DRG1: variants seen among roughly 807,000 people sequenced by gnomAD.
DRG1 encodes the protein developmentally-regulated GTP-binding protein 1.
A neutral mutation model predicts 38.8 loss-of-function variants in DRG1; 19 were observed. The ratio of observed to expected loss-of-function variants is 0.49; its 90% confidence interval spans 0.34 to 0.72. The LOEUF (loss-of-function observed/expected upper bound fraction) is 0.72, where lower values mean the gene tolerates loss of function less well. Ranked by LOEUF, DRG1 falls within the 30% of genes least tolerant of loss-of-function variation. The pLI is 0.01. For missense variants in DRG1, 299 were observed against 444.8 expected (o/e 0.67, Z 2.95); for synonymous variants, 167 against 157.5 (o/e 1.06, Z -0.45).
rs1240411793 is a variant in DRG1 at position 31,434,329 on chromosome 22, G to C, written c.*358G>C. On this transcript the variant is annotated 3_prime_UTR_variant, in exon 9 of 9. Transcript: ENST00000331457. Reference sequence around the variant, plus strand: ...AAATATGACATGCTGCATCTTACTTGATGTTTACTTATGGGAACCCCTTCC... The same window carrying C: ...AAATATGACATGCTGCATCTTACTTCATGTTTACTTATGGGAACCCCTTCC... 4.6e-6 allele frequency: 1 copy of C among 215,488 alleles called. No individual in the cohort carries two copies. The highest frequency in any genetic ancestry group is 2.3e-5 in the African/African-American group (1 of 42,906). 13.3% of individuals were successfully genotyped at this position (215,488 alleles called of 1,614,324 possible). A position where few individuals can be genotyped will look rare whatever the true frequency, so the allele number is the denominator to read the frequency against.
At chr22:31,432,765 T>C (rs1441743866) in intron 8 of DRG1, among the ~76,000 whole-genome samples, 2 of 151,982 alleles carry the variant, frequency 1.3e-5, no homozygotes, top group African/African-American at 4.8e-5. Context: ...TTCACCATAT[T>C]AGCCATGCTG....
intron 3 of DRG1, among the ~76,000 whole-genome samples, chr22:31,405,845 T>C (rs1395213210): frequency 1.7e-4 from 26 of 151,956 alleles, no homozygotes; most frequent in Admixed American, 1.7e-3. Context: ...CCCACCACTA[T>C]GCCCAGCTAA....
intron 6 of DRG1, among the ~76,000 whole-genome samples, chr22:31,424,559 C>G (rs2050097450): frequency 7.9e-6 from 1 of 127,178 alleles, no homozygotes; most frequent in African/African-American, 2.9e-5. Context: ...AGTACAGTGG[C>G]GCGATCTTGG....
chr22:31,423,467 C>A, intron 6 of DRG1, 57 bp downstream of exon 6: 1 of 1,556,034 alleles, frequency 6.4e-7, no homozygotes, highest in Non-Finnish European at 8.8e-7. Flanking sequence ...GTGATGGAAA[C>A]AGTATTGGAT....
chr22:31,409,501 G>A (rs1381630159), intron 3 of DRG1, among the ~76,000 whole-genome samples: 2 of 152,146 alleles, frequency 1.3e-5, no homozygotes, highest in African/African-American at 4.8e-5. Context: ...ATGGGTTTCA[G>A]CTCTCTACAT....
intron 4 of DRG1, among the ~76,000 whole-genome samples, chr22:31,416,258 C>T (rs1431426176): frequency 3.3e-5 from 5 of 152,098 alleles, no homozygotes; most frequent in Non-Finnish European, 7.3e-5. Context: ...GCCTGCGTGA[C>T]AGAGTGAGAC....
chr22:31,426,194 C>G (rs1212714643), intron 6 of DRG1, among the ~76,000 whole-genome samples: 2 of 152,180 alleles, frequency 1.3e-5, no homozygotes, highest in African/African-American at 2.4e-5. Flanking sequence ...TCCAGGACCC[C>G]TTGCAGATAA....
At chr22:31,422,163 G>A (rs1234123071) in intron 5 of DRG1, among the ~76,000 whole-genome samples, 1 of 151,566 alleles carries the variant, frequency 6.6e-6, no homozygotes, top group African/African-American at 2.4e-5. Context: ...CAGGCACGGT[G>A]GCTTACGCCT....
At chr22:31,432,429 G>T (rs1281018890) in intron 8 of DRG1, among the ~76,000 whole-genome samples, 221 of 135,732 alleles carry the variant, frequency 1.6e-3, no homozygotes, top group African/African-American at 3.8e-3. Flanking sequence ...GTGTGTGTGT[G>T]TTTTTTTTTT....
At chr22:31,400,332 G>A (rs1322046196) in intron 1 of DRG1, among the ~76,000 whole-genome samples, 6 of 151,980 alleles carry the variant, frequency 3.9e-5, no homozygotes, top group Non-Finnish European at 8.8e-5. Flanking sequence ...CCCAGTGTTA[G>A]ATGGATCCAA....
intron 2 of DRG1, among the ~76,000 whole-genome samples, chr22:31,402,623 C>G (rs773245818): frequency 6.6e-6 from 1 of 151,818 alleles, no homozygotes; most frequent in Non-Finnish European, 1.5e-5. Flanking sequence ...ATCCTCCCAC[C>G]TCAGCCTCTG....
intron 4 of DRG1, among the ~76,000 whole-genome samples, chr22:31,415,727 TTAGATA>T (rs1190967139): frequency 6.6e-6 from 1 of 152,152 alleles, no homozygotes; most frequent in East Asian, 1.9e-4. Context: ...TCCTTAGGTC[TTAGATA>T]TAGTCTCCTG....
intron 4 of DRG1, among the ~76,000 whole-genome samples, chr22:31,412,790 G>A (rs926909578): frequency 8.6e-5 from 13 of 151,458 alleles, no homozygotes; most frequent in African/African-American, 2.9e-4. Flanking sequence ...CCTGGACTCA[G>A]GTTATCCACC....
intron 2 of DRG1, among the ~76,000 whole-genome samples, chr22:31,401,753 C>G (rs953472770): frequency 6.6e-6 from 1 of 151,778 alleles, no homozygotes; most frequent in Non-Finnish European, 1.5e-5. Context: ...GAGATCTCAT[C>G]TTAAGAAAAC....
In DRG1 at chr22:31,399,653, A is replaced by T. The variant is rs990995173; in HGVS notation, c.-31A>T. 2 of 1,613,836 alleles carry T rather than the reference A, an allele frequency of 1.2e-6. No homozygotes were observed. Among genetic ancestry groups the T allele is most frequent in the African/African-American group, 2.7e-5 (2 of 74,912 alleles). On this transcript the variant is annotated 5_prime_UTR_variant, in exon 1 of 9. Transcript: ENST00000331457. ...TTTGCCCGCGGGTGTGTGAAGGGAG[A>T]CAGTGTGGAGGCCACAGGGTACTCG...
intron 3 of DRG1, among the ~76,000 whole-genome samples, chr22:31,407,316 C>T (rs2049994226): frequency 6.6e-6 from 1 of 152,044 alleles, no homozygotes; most frequent in Non-Finnish European, 1.5e-5. Flanking sequence ...TGGGTCTTGT[C>T]TGTAACAGTT....
intron 3 of DRG1, among the ~76,000 whole-genome samples, chr22:31,403,874 A>G (rs985075718): frequency 7.9e-5 from 12 of 151,998 alleles, no homozygotes; most frequent in African/African-American, 2.7e-4. Flanking sequence ...CCAAATGTAT[A>G]TAACAAGAAT....
At chr22:31,410,949 G>C in intron 3 of DRG1, 63 bp from the exon 4 acceptor site, 1 of 1,525,838 alleles carries the variant, frequency 6.6e-7, no homozygotes, top group Non-Finnish European at 9.0e-7. Context: ...AATTCTGTTT[G>C]ATATTTTCAA....
At chr22:31,422,075 C>A (rs906454810) in intron 5 of DRG1, among the ~76,000 whole-genome samples, 3 of 151,072 alleles carry the variant, frequency 2.0e-5, no homozygotes, top group South Asian at 2.1e-4. Context: ...GACGCCACTG[C>A]ACTCCAGCCT....
Sources: allele counts gnomAD v4.1 joint callset (sites outside exome capture counted in the v4.1 genomes callset), GRCh38; gene constraint gnomAD v4.1.1; transcripts MANE v1.5; gene names NCBI Gene and HGNC (gene_info 2026-07-23, HGNC 2026-07-21).